Variants in GALNT1 observed in about 807,000 individuals in gnomAD.
GALNT1 encodes GalNAc transferase 1.
A neutral mutation model predicts 65.7 loss-of-function variants in GALNT1; 17 were observed. The ratio of observed to expected loss-of-function variants is 0.26; its 90% confidence interval spans 0.18 to 0.39. The LOEUF (loss-of-function observed/expected upper bound fraction) is 0.39, where lower values mean the gene tolerates loss of function less well. Ranked by LOEUF, GALNT1 falls within the 10% of genes least tolerant of loss-of-function variation. The pLI, the probability that GALNT1 is intolerant of heterozygous loss-of-function variation, is 1.00. For synonymous variants in GALNT1, 210 were observed against 219.7 expected (o/e 0.96, Z 0.39); for missense variants, 460 against 672.8 (o/e 0.68, Z 3.50).
chr18:35,691,283 G>T, intron 8 of GALNT1, 91 bp downstream of exon 8: 3 of 1,114,402 alleles, frequency 2.7e-6, no homozygotes, highest in Non-Finnish European at 3.8e-6. Flanking sequence ...GTGAAGCTTT[G>T]AGCAGAGGTG....
At chr18:35,676,023 T>C (rs1276511090) in intron 3 of GALNT1, among the ~76,000 whole-genome samples, 1 of 152,180 alleles carries the variant, frequency 6.6e-6, no homozygotes, top group Admixed American at 6.5e-5. Flanking sequence ...TGGGAAACTA[T>C]TTTCAGAAGT....
intron 1 of GALNT1, among the ~76,000 whole-genome samples, chr18:35,633,555 AG>A (rs1481322651): frequency 1.4e-5 from 1 of 73,380 alleles, no homozygotes; most frequent in African/African-American, 5.3e-5. Flanking sequence ...GGGATGGGGG[AG>A]GGGGGAGGGA....
chr18:35,674,595 C>G (rs1386697825), intron 3 of GALNT1, among the ~76,000 whole-genome samples: 1 of 152,164 alleles, frequency 6.6e-6, no homozygotes, highest in Admixed American at 6.5e-5. Flanking sequence ...TTATAGGGGC[C>G]AGTTTGTATG....
chr18:35,696,810 G>A (rs545278670), intron 9 of GALNT1, among the ~76,000 whole-genome samples: 19 of 152,282 alleles, frequency 1.2e-4, no homozygotes, highest in African/African-American at 2.4e-4. Flanking sequence ...CCTAATGTCC[G>A]TATTCTTTCT....
chr18:35,674,840 G>A lies in GALNT1; in HGVS notation c.315-2751G>A, dbSNP rs1350463767. ...CTAGTAAAAATACAAAAAATTAGTC[G>A]GGCGTGGTGGCAGGCACCTGTAGGA... On this transcript the variant is annotated intron_variant, in intron 3 of 11. Coordinates refer to ENST00000269195, the MANE Select transcript of GALNT1 (RefSeq NM_020474.4). Among the ~76,000 whole-genome samples, 4 of 151,866 alleles carry A rather than the reference G, an allele frequency of 2.6e-5. No individual in the cohort carries two copies. In the East Asian group the frequency reaches 5.8e-4, roughly 22 times the overall value.
intron 1 of GALNT1, among the ~76,000 whole-genome samples, chr18:35,595,138 A>G (rs992655526): frequency 3.3e-5 from 5 of 152,240 alleles, no homozygotes; most frequent in Non-Finnish European, 7.3e-5. Context: ...TCCTGTTACA[A>G]TATGATATTT....
At chr18:35,617,363 GCCAAAGTAAGATGTTAAAT>G (rs1235918887) in intron 1 of GALNT1, among the ~76,000 whole-genome samples, 8 of 152,290 alleles carry the variant, frequency 5.3e-5, no homozygotes, top group Middle Eastern at 6.8e-3. Flanking sequence ...TATTTGGCCT[GCCAAAGTAAGATGTTAAAT>G]CCAAAGTAAG....
intron 1 of GALNT1, among the ~76,000 whole-genome samples, chr18:35,606,224 G>A (rs1448389360): frequency 6.6e-6 from 1 of 152,192 alleles, no homozygotes; most frequent in Admixed American, 6.5e-5. Context: ...GCCTGGAAGT[G>A]AGTCATGGCA....
At chr18:35,601,555 T>G (rs1026932748) in intron 1 of GALNT1, among the ~76,000 whole-genome samples, 3 of 152,202 alleles carry the variant, frequency 2.0e-5, no homozygotes, top group African/African-American at 7.2e-5. Flanking sequence ...TTCTACTGTT[T>G]TGATGTAGAT....
In GALNT1 at chr18:35,686,735, C is replaced by A. The variant is rs543643933; in HGVS notation, c.690-281C>A. ...AGATTAAAGTCTTAAATATAAAAAA[C>A]AAAAAAAAAATTTTTTTAATTAGTT... On this transcript the variant is annotated intron_variant, in intron 5 of 11. Transcript: ENST00000269195. Among the ~76,000 whole-genome samples, 19 of 150,158 alleles carry A rather than the reference C, an allele frequency of 1.3e-4. No individual in the cohort carries two copies. In the South Asian group the frequency reaches 1.9e-3, roughly 15 times the overall value.
At chr18:35,598,026 C>G (rs1598780440) in intron 1 of GALNT1, among the ~76,000 whole-genome samples, 1 of 99,214 alleles carries the variant, frequency 1.0e-5, no homozygotes, top group Non-Finnish European at 2.1e-5. Flanking sequence ...CCCCTCCAAT[C>G]CCCTCCCATC....
At chr18:35,634,897 G>C (rs1389456755) in intron 1 of GALNT1, among the ~76,000 whole-genome samples, 4 of 152,160 alleles carry the variant, frequency 2.6e-5, no homozygotes, top group African/African-American at 9.7e-5. Flanking sequence ...TCTTAGGCCT[G>C]TTAACTTTTT....
intron 1 of GALNT1, among the ~76,000 whole-genome samples, chr18:35,618,665 T>C (rs570292657): frequency 4.7e-4 from 72 of 152,304 alleles, no homozygotes; most frequent in African/African-American, 1.3e-3. Context: ...GTTTTTTTTT[T>C]CCAACAATTT....
intron 4 of GALNT1, among the ~76,000 whole-genome samples, chr18:35,680,859 G>T (rs922994054): frequency 2.0e-5 from 3 of 152,098 alleles, no homozygotes; most frequent in Non-Finnish European, 2.9e-5. Context: ...TACAGGATCT[G>T]TAATAAAGTC....
At chr18:35,672,634 G>C (rs1010012416) in intron 3 of GALNT1, among the ~76,000 whole-genome samples, 2 of 151,946 alleles carry the variant, frequency 1.3e-5, no homozygotes, top group African/African-American at 4.8e-5. Flanking sequence ...GTTTCCTGAA[G>C]GAAACTGGAG....
At chr18:35,628,077 G>A (rs1041652197) in intron 1 of GALNT1, among the ~76,000 whole-genome samples, 9 of 152,280 alleles carry the variant, frequency 5.9e-5, no homozygotes, top group Admixed American at 2.6e-4. Flanking sequence ...TGGGAAGCTC[G>A]AACTGGGTGG....
At chr18:35,662,242 G>A (rs1309135686) in intron 2 of GALNT1, among the ~76,000 whole-genome samples, 1 of 152,130 alleles carries the variant, frequency 6.6e-6, no homozygotes, top group Admixed American at 6.5e-5. Flanking sequence ...TATTTAAGGA[G>A]CTTACTTACT....
chr18:35,624,983 A>G (rs1485073783), intron 1 of GALNT1, among the ~76,000 whole-genome samples: 1 of 152,222 alleles, frequency 6.6e-6, no homozygotes, highest in Non-Finnish European at 1.5e-5. Flanking sequence ...CAAGATAATT[A>G]ATAAATTAAT....
intron 1 of GALNT1, among the ~76,000 whole-genome samples, chr18:35,650,990 A>C (rs2047304644): frequency 6.6e-6 from 1 of 152,230 alleles, no homozygotes; most frequent in African/African-American, 2.4e-5. Flanking sequence ...TTGTTCAGAG[A>C]TTGCAGTAAA....
Sources: allele counts gnomAD v4.1 joint callset (sites outside exome capture counted in the v4.1 genomes callset), GRCh38; gene constraint gnomAD v4.1.1; transcripts MANE v1.5; gene names NCBI Gene and HGNC (gene_info 2026-07-23, HGNC 2026-07-21).